PCDH15: variants seen among roughly 807,000 people sequenced by gnomAD.
PCDH15 encodes protocadherin-15.
A neutral mutation model predicts 178.5 loss-of-function variants in PCDH15; 129 were observed. The observed-to-expected ratio is 0.72, with a 90% CI of 0.63 to 0.84. The LOEUF (loss-of-function observed/expected upper bound fraction) is 0.84. PCDH15 is among the 40% of genes least tolerant of loss of function. The pLI, the probability that PCDH15 is intolerant of heterozygous loss-of-function variation, is 0.00. For synonymous variants in PCDH15, 800 were observed against 732.0 expected (o/e 1.09, Z -1.50); for missense variants, 2,230 against 2,099.9 (o/e 1.06, Z -1.21).
intron 2 of PCDH15, among the ~76,000 whole-genome samples, chr10:55,105,775 A>T (rs1239583595): frequency 2.6e-5 from 4 of 152,152 alleles, no homozygotes; most frequent in African/African-American, 9.7e-5. Flanking sequence ...GTGTAACAAT[A>T]CATTTAATAT....
chr10:55,532,697 C>T (rs943545689), intron 2 of PCDH15, among the ~76,000 whole-genome samples: 2 of 152,012 alleles, frequency 1.3e-5, no homozygotes, highest in Non-Finnish European at 2.9e-5. Context: ...CAGTTAAATG[C>T]TATAGTCTTT....
chr10:54,100,444 G>T (rs562932274), intron 15 of PCDH15, among the ~76,000 whole-genome samples: 126 of 152,124 alleles, frequency 8.3e-4, no homozygotes, highest in African/African-American at 2.9e-3. Flanking sequence ...AAATAGGAAT[G>T]AAATGGGACT....
intron 2 of PCDH15, among the ~76,000 whole-genome samples, chr10:55,433,693 T>C (rs1442005130): frequency 1.3e-5 from 2 of 152,188 alleles, no homozygotes; most frequent in Non-Finnish European, 2.9e-5. Context: ...TTATGATTTA[T>C]AATTTTTATA....
intron 1 of PCDH15, among the ~76,000 whole-genome samples, chr10:54,691,604 G>A (rs952169318): frequency 1.3e-4 from 20 of 151,612 alleles, no homozygotes; most frequent in African/African-American, 4.6e-4. Flanking sequence ...ACTCAGAGGA[G>A]TATTTTGAAT....
intron 26 of PCDH15, among the ~76,000 whole-genome samples, chr10:53,891,057 T>A (rs1467320586): frequency 6.7e-6 from 1 of 148,774 alleles, no homozygotes; most frequent in South Asian, 2.2e-4. Context: ...TATAGAAGTA[T>A]GAATAAACAA....
At chr10:55,130,811 C>A (rs1184415528) in intron 2 of PCDH15, among the ~76,000 whole-genome samples, 1 of 151,158 alleles carries the variant, frequency 6.6e-6, no homozygotes, top group African/African-American at 2.4e-5. Flanking sequence ...TAATTGATAG[C>A]CCCTTCTGCA....
In PCDH15 at chr10:54,800,913, G is replaced by T. The variant is rs1008423462; in HGVS notation, c.-29+12C>A. ...TTGAAAAAAATAAGAGAAGGGCGGG[G>T]GAAGAACTTACTTGCGGTTTAAAGT... On this transcript the variant is annotated intron_variant, in intron 1 of 37. Transcript: ENST00000644397. 3.3e-5 allele frequency: 5 copies of T among 152,070 alleles called. No individual in the cohort carries two copies. Among genetic ancestry groups the T allele is most frequent in the Non-Finnish European group, 7.4e-5 (5 of 68,014 alleles). The allele number at this position is 152,070 out of a possible 1,614,324, so 9.4% of individuals were successfully genotyped here. A position where few individuals can be genotyped will look rare whatever the true frequency, so the allele number is the denominator to read the frequency against.
At chr10:55,225,635 TTG>T (rs72147832) in intron 1 of PCDH15, among the ~76,000 whole-genome samples, 22 of 141,024 alleles carry the variant, frequency 1.6e-4, no homozygotes, top group Non-Finnish European at 2.2e-4. Flanking sequence ...GTGTGTGTGT[TTG>T]TGTGTGTGTG....
At chr10:55,385,323 A>G (rs1036620057) in intron 2 of PCDH15, among the ~76,000 whole-genome samples, 1 of 152,104 alleles carries the variant, frequency 6.6e-6, no homozygotes, top group Non-Finnish European at 1.5e-5. Flanking sequence ...CAGATTACCA[A>G]TGGAAAGATA....
At chr10:53,892,508 C>A (rs2610826) in intron 26 of PCDH15, among the ~76,000 whole-genome samples, 113,858 of 151,452 alleles carry the variant, frequency 0.75, 43,292 homozygotes, top group East Asian at 1. Context: ...TCTACAATAA[C>A]AAACAAACTG....
intron 8 of PCDH15, among the ~76,000 whole-genome samples, chr10:54,256,350 T>C (rs779648341): frequency 1.3e-5 from 2 of 152,184 alleles, no homozygotes; most frequent in Non-Finnish European, 2.9e-5. Context: ...AATCAGATGG[T>C]CAGCTTTACT....
At chr10:54,787,002 G>C (rs72796537) in intron 1 of PCDH15, among the ~76,000 whole-genome samples, 58 of 151,596 alleles carry the variant, frequency 3.8e-4, no homozygotes, top group Middle Eastern at 3.4e-3. Context: ...GGTTTTACTT[G>C]TCTAACCTAG....
chr10:54,535,501 G>T (rs2084388830), intron 2 of PCDH15, among the ~76,000 whole-genome samples: 1 of 151,946 alleles, frequency 6.6e-6, no homozygotes, highest in Non-Finnish European at 1.5e-5. Context: ...ACAAGGTCAG[G>T]AGATCGAGAC....
chr10:54,407,132 C>T (rs7075321), intron 3 of PCDH15, among the ~76,000 whole-genome samples: 133,548 of 152,134 alleles, frequency 0.88, 58,699 homozygotes, highest in East Asian at 0.99. Flanking sequence ...TCAATATCCA[C>T]TGATAAAAAT....
chr10:54,640,104 A>T (rs1256082340), intron 2 of PCDH15, among the ~76,000 whole-genome samples: 2 of 152,136 alleles, frequency 1.3e-5, no homozygotes, highest in Non-Finnish European at 2.9e-5. Context: ...TAAATAAATA[A>T]ATAAAAACCA....
intron 2 of PCDH15, among the ~76,000 whole-genome samples, chr10:54,996,375 A>G (rs1350629295): frequency 2.6e-5 from 4 of 152,168 alleles, no homozygotes; most frequent in African/African-American, 9.7e-5. Context: ...TTCCATTTGA[A>G]GGTTGAACAA....
intron 2 of PCDH15, among the ~76,000 whole-genome samples, chr10:55,551,637 GA>G (rs1396924766): frequency 6.6e-6 from 1 of 151,726 alleles, no homozygotes; most frequent in Non-Finnish European, 1.5e-5. Context: ...TCAATTTGTG[GA>G]TATAATAAAA....
chr10:54,728,675 G>C (rs1942923560), intron 1 of PCDH15, among the ~76,000 whole-genome samples: 1 of 151,350 alleles, frequency 6.6e-6, no homozygotes, highest in Admixed American at 6.6e-5. Context: ...TCTATGCCTA[G>C]AAAACCCCAT....
intron 3 of PCDH15, among the ~76,000 whole-genome samples, chr10:54,479,581 C>T (rs1405866394): frequency 6.6e-6 from 1 of 151,842 alleles, no homozygotes; most frequent in African/African-American, 2.4e-5. Context: ...TCCTCATCCT[C>T]ATAGAAAAAA....
Sources: gnomAD v4.1 joint callset for allele counts (sites outside exome capture counted in the v4.1 genomes callset) on GRCh38, gnomAD v4.1.1 for gene constraint, MANE v1.5 for transcripts, NCBI Gene and HGNC (gene_info 2026-07-23, HGNC 2026-07-21) for gene names.